ZNF365: variants seen among roughly 807,000 people sequenced by gnomAD.
ZNF365 encodes protein ZNF365.
Under a neutral mutation model 35.0 loss-of-function variants are expected in ZNF365, and 22 were observed. The ratio of observed to expected loss-of-function variants is 0.63; its 90% CI spans 0.45 to 0.90. The LOEUF (loss-of-function observed/expected upper bound fraction) is 0.90, where lower values mean the gene tolerates loss of function less well. Among genes scored for constraint, ZNF365 ranks in the 40% least tolerant of loss-of-function variants. ZNF365 has a pLI of 0.00. For missense variants in ZNF365, 448 were observed against 500.3 expected (o/e 0.90, Z 1.00); for synonymous variants, 188 against 196.2 (o/e 0.96, Z 0.35).
At chr10:62,394,598 A>T (rs1475045902) in intron 3 of ZNF365, among the ~76,000 whole-genome samples, 1 of 152,232 alleles carries the variant, frequency 6.6e-6, no homozygotes. Context: ...GAGCATAAAG[A>T]TAAAATATCT....
At chr10:62,437,113 T>C (rs1309570198) in intron 3 of ZNF365, among the ~76,000 whole-genome samples, 2 of 152,184 alleles carry the variant, frequency 1.3e-5, no homozygotes, top group African/African-American at 2.4e-5. Flanking sequence ...TCATTTTGGA[T>C]GGTTTATTTT....
chr10:62,476,182 T>C (rs1414203809), intron 4 of ZNF365, among the ~76,000 whole-genome samples: 1 of 152,188 alleles, frequency 6.6e-6, no homozygotes, highest in Non-Finnish European at 1.5e-5. Context: ...AAAAATCTTC[T>C]CTTAGAAAAG....
At chr10:62,376,137 T>A (rs1314281082) in intron 1 of ZNF365, 44 bp from the exon 2 acceptor site, 5 of 1,586,968 alleles carry the variant, frequency 3.2e-6, no homozygotes, top group Non-Finnish European at 4.3e-6. Flanking sequence ...TTTAGTAGTG[T>A]GTTTTTCAGC....
chr10:62,435,145 T>C (rs1293968958), intron 3 of ZNF365, among the ~76,000 whole-genome samples: 1 of 152,076 alleles, frequency 6.6e-6, no homozygotes, highest in East Asian at 1.9e-4. Context: ...CTAAGAAAGA[T>C]CTTAGTTTAT....
chr10:62,446,869 G>T (rs1840598255), intron 3 of ZNF365, among the ~76,000 whole-genome samples: 2 of 152,144 alleles, frequency 1.3e-5, no homozygotes, highest in Non-Finnish European at 2.9e-5. Flanking sequence ...GGCGGTAGTG[G>T]AGGAAAGAAT....
chr10:62,407,575 G>GTCTCC (rs3081228), intron 3 of ZNF365, among the ~76,000 whole-genome samples: 4,180 of 151,466 alleles, frequency 0.028, 120 homozygotes, highest in South Asian at 0.15. Flanking sequence ...GGATTTGAGG[G>GTCTCC]TCTCCTCTCC....
chr10:62,445,564 GA>G (rs1448952601), intron 3 of ZNF365, among the ~76,000 whole-genome samples: 1 of 152,140 alleles, frequency 6.6e-6, no homozygotes, highest in Non-Finnish European at 1.5e-5. Context: ...TGCAGATCCT[GA>G]GATCCCACCT....
In ZNF365 at chr10:62,388,507, G is replaced by A. The variant is rs1281801417; in HGVS notation, c.855G>A (p.Ala285=). 10 of 1,614,160 alleles carry A rather than the reference G, an allele frequency of 6.2e-6. No individual in the cohort carries two copies. The highest frequency in any genetic ancestry group is 1.7e-5 in the Admixed American group (1 of 60,024). ...ATCTGTTACAGCGGGTAGAACTGGCGGAGAAGCAGCTTGAGTACTATCAGA... is the reference window on the plus strand; with the variant it reads ...ATCTGTTACAGCGGGTAGAACTGGCAGAGAAGCAGCTTGAGTACTATCAGA... ...IENLLQRVEL[A]EKQLEYYQSQ... is the part of the protein sequence containing the mutation. The change falls in exon 3 of 5, where the codon GCG becomes GCA. Residue 285 remains alanine (A), a synonymous_variant. Transcript: ENST00000395254.
At position 62,418,245 on chromosome 10, in the gene ZNF365, T is replaced by C. The variant is rs1425252526; in HGVS notation, c.924+29669T>C. ...TTTTTGACATAAAAAAGCACATACA[T>C]TTTGTCAATATTTATATGGTTTGGA... On this transcript the variant is annotated intron_variant, in intron 3 of 4. Transcript: ENST00000395255. Among the ~76,000 whole-genome samples the C allele has an allele frequency of 2.0e-5, 3 of 152,168 alleles. No individual in the cohort carries two copies. In the East Asian group the frequency reaches 5.8e-4, roughly 29 times the overall value.
chr10:62,472,101 G>A (rs947081821), intron 4 of ZNF365, among the ~76,000 whole-genome samples: 1 of 152,206 alleles, frequency 6.6e-6, no homozygotes, highest in African/African-American at 2.4e-5. Context: ...CGGGCTCCCT[G>A]ATTTAACATG....
intron 3 of ZNF365, among the ~76,000 whole-genome samples, chr10:62,447,122 A>G (rs1035062087): frequency 3.9e-5 from 6 of 152,234 alleles, no homozygotes; most frequent in Admixed American, 1.3e-4. Flanking sequence ...CAAAAGTTGG[A>G]TAGCAAGACA....
chr10:62,421,501 C>T (rs1056530229), intron 3 of ZNF365, among the ~76,000 whole-genome samples: 3 of 152,096 alleles, frequency 2.0e-5, no homozygotes, highest in Non-Finnish European at 4.4e-5. Flanking sequence ...GAAATGTTAA[C>T]CCAAGTCCGT....
chr10:62,471,480 C>T (rs1841037645), intron 4 of ZNF365, among the ~76,000 whole-genome samples: 1 of 152,042 alleles, frequency 6.6e-6, no homozygotes, highest in Non-Finnish European at 1.5e-5. Flanking sequence ...ACTGAGGGAC[C>T]TCTTGATTGA....
chr10:62,381,889 G>A (rs1016741127), intron 2 of ZNF365, among the ~76,000 whole-genome samples: 8 of 152,108 alleles, frequency 5.3e-5, no homozygotes, highest in East Asian at 1.9e-4. Context: ...CATTTGCCTC[G>A]TTCCAGCCTA....
chr10:62,380,610 C>G (rs1839422179), intron 2 of ZNF365, among the ~76,000 whole-genome samples: 1 of 152,190 alleles, frequency 6.6e-6, no homozygotes, highest in Non-Finnish European at 1.5e-5. Context: ...ACTGGTCAGT[C>G]TCATTGTAAA....
intron 4 of ZNF365, among the ~76,000 whole-genome samples, chr10:62,466,976 A>AT (rs1240126149): frequency 1.3e-5 from 2 of 151,958 alleles, no homozygotes; most frequent in Non-Finnish European, 1.5e-5. Flanking sequence ...TAATTTTTGT[A>AT]TTTTTTATAG....
chr10:62,476,490 A>G (rs1217368495), intron 4 of ZNF365, among the ~76,000 whole-genome samples: 1 of 152,252 alleles, frequency 6.6e-6, no homozygotes, highest in African/African-American at 2.4e-5. Flanking sequence ...TAGCTCTGAA[A>G]TTTACTGTAC....
At chr10:62,387,989 A>C (rs555931768) in intron 2 of ZNF365, among the ~76,000 whole-genome samples, 1 of 152,122 alleles carries the variant, frequency 6.6e-6, no homozygotes, top group East Asian at 1.9e-4. Flanking sequence ...CCTCAGACCC[A>C]TCTGCTGTCC....
chr10:62,457,001 T>A (rs915923950), intron 3 of ZNF365, among the ~76,000 whole-genome samples: 1 of 152,086 alleles, frequency 6.6e-6, no homozygotes, highest in Admixed American at 6.5e-5. Flanking sequence ...CAGCTGGGGG[T>A]CAGCTAATTT....
Sources: gnomAD v4.1 joint callset for allele counts (sites outside exome capture counted in the v4.1 genomes callset) on GRCh38, gnomAD v4.1.1 for gene constraint, MANE v1.5 for transcripts, NCBI Gene and HGNC (gene_info 2026-07-23, HGNC 2026-07-21) for gene names.